Variants in EXT1 observed in about 807,000 individuals in gnomAD.
The protein encoded by EXT1 is exostosin-1.
A neutral mutation model predicts 82.5 loss-of-function variants in EXT1; 20 were observed. That is an observed-to-expected ratio of 0.24 (90% CI 0.17 to 0.35). The LOEUF (loss-of-function observed/expected upper bound fraction) is 0.35, where lower values mean the gene tolerates loss of function less well. EXT1 is among the 10% of genes least tolerant of loss of function. The probability of loss-of-function intolerance (pLI) is 1.00; values close to 1 mark genes in which losing one functional copy is unlikely to be tolerated. For missense variants in EXT1, 757 were observed against 936.5 expected, an observed-to-expected ratio of 0.81 and a Z score of 2.50; for synonymous variants, 348 against 350.8, an observed-to-expected ratio of 0.99 and a Z score of 0.09.
At chr8:118,032,930 T>A (rs1816353997) in intron 1 of EXT1, among the ~76,000 whole-genome samples, 2 of 152,196 alleles carry the variant, frequency 1.3e-5, no homozygotes, top group African/African-American at 4.8e-5. Flanking sequence ...TTCTTTTCAC[T>A]TCAACCTCTT....
At chr8:118,022,949 G>T (rs1816136731) in intron 1 of EXT1, among the ~76,000 whole-genome samples, 1 of 152,160 alleles carries the variant, frequency 6.6e-6, no homozygotes, top group African/African-American at 2.4e-5. Context: ...TTTATCAAAA[G>T]TCAAAAGTCA....
chr8:118,030,656 G>A (rs1390130755), intron 1 of EXT1, among the ~76,000 whole-genome samples: 1 of 151,930 alleles, frequency 6.6e-6, no homozygotes, highest in East Asian at 1.9e-4. Context: ...TAATTTTTTT[G>A]TACTTAGTAG....
Position 117,797,967 on chromosome 8 carries a change from A to G in EXT1, c.*1745T>C, listed in dbSNP as rs1361071198. ...AACACCATCTGGATATGTGGGCTCT[A>G]CTCCTTGTTCTGCAGCTAGGTAGCC... is the stretch of plus-strand genomic sequence containing the variant. On this transcript the variant is annotated 3_prime_UTR_variant, in exon 11 of 11. Coordinates refer to ENST00000378204, the MANE Select transcript of EXT1 (RefSeq NM_000127.3). The G allele has an allele frequency of 6.6e-6, 1 of 152,030 alleles. No homozygotes were observed. Among genetic ancestry groups the G allele is most frequent in the Admixed American group, 6.6e-5 (1 of 15,236 alleles). The allele number at this position is 152,030 out of a possible 1,614,324, so 9.4% of individuals were successfully genotyped here.
At chr8:118,006,543 A>G (rs1815779094) in intron 1 of EXT1, among the ~76,000 whole-genome samples, 1 of 152,168 alleles carries the variant, frequency 6.6e-6, no homozygotes, top group South Asian at 2.1e-4. Flanking sequence ...TGAAGGTCAA[A>G]AATCGTAACA....
chr8:118,042,596 G>A (rs188903707), intron 1 of EXT1, among the ~76,000 whole-genome samples: 1 of 152,158 alleles, frequency 6.6e-6, no homozygotes, highest in East Asian at 1.9e-4. Context: ...GGGGCACCTG[G>A]CCCCCACCTT....
At chr8:117,959,094 C>T (rs1329273238) in intron 1 of EXT1, among the ~76,000 whole-genome samples, 1 of 152,204 alleles carries the variant, frequency 6.6e-6, no homozygotes, top group Non-Finnish European at 1.5e-5. Flanking sequence ...CTCCAATTAG[C>T]ATCACATTGG....
intron 3 of EXT1, 31 bp downstream of exon 3, chr8:117,835,413 G>T: frequency 6.6e-7 from 1 of 1,507,014 alleles, no homozygotes; most frequent in Non-Finnish European, 9.2e-7. Flanking sequence ...ATAATCTGCT[G>T]ATGTGTTGAA....
At chr8:118,008,948 G>A (rs1815837697) in intron 1 of EXT1, among the ~76,000 whole-genome samples, 1 of 152,080 alleles carries the variant, frequency 6.6e-6, no homozygotes, top group African/African-American at 2.4e-5. Flanking sequence ...TTATGAAATG[G>A]GTCATCTCTT....
chr8:117,993,874 T>C (rs576716366), intron 1 of EXT1, among the ~76,000 whole-genome samples: 1 of 152,352 alleles, frequency 6.6e-6, no homozygotes, highest in Non-Finnish European at 1.5e-5. Flanking sequence ...GCCAGCCTAG[T>C]GGCCCTTGCT....
chr8:117,830,362 G>A lies in EXT1; in HGVS notation c.1165-13C>T. On this transcript the variant is annotated splice_polypyrimidine_tract_variant and intron_variant, in intron 3 of 10. Transcript: ENST00000378204. Reference sequence around the variant, plus strand: ...TTGTAGAAGGAATCTGTAACACAAGGTGAACACATAGGAATTATAACTGTA... The same window carrying A: ...TTGTAGAAGGAATCTGTAACACAAGATGAACACATAGGAATTATAACTGTA... 2 of 1,613,678 alleles carry A rather than the reference G, an allele frequency of 1.2e-6. No homozygotes were observed. The highest frequency in any genetic ancestry group is 1.7e-4 in the Middle Eastern group (1 of 5,968).
chr8:117,989,365 C>T (rs975936070), intron 1 of EXT1, among the ~76,000 whole-genome samples: 1 of 152,082 alleles, frequency 6.6e-6, no homozygotes, highest in Non-Finnish European at 1.5e-5. Context: ...CCCTGCCCCC[C>T]ACTATTTGTG....
intron 1 of EXT1, among the ~76,000 whole-genome samples, chr8:117,960,269 A>C (rs1454100080): frequency 5.9e-5 from 9 of 152,216 alleles, no homozygotes. Flanking sequence ...AAATATACAA[A>C]GTTGTGAATT....
At chr8:117,818,295 G>T (rs1811861320) in intron 7 of EXT1, 140 bp downstream of exon 7, 2 of 731,726 alleles carry the variant, frequency 2.7e-6, no homozygotes, top group Admixed American at 2.1e-5. Context: ...TCAAATCTGA[G>T]AATATTCTGA....
rs944501044 is a variant in EXT1 at position 117,794,503 on chromosome 8, C to T, written c.*5209G>A. 6.6e-6 allele frequency: 1 copy of T among 151,970 alleles called. No homozygotes were observed. Among genetic ancestry groups the T allele is most frequent in the Non-Finnish European group, 1.5e-5 (1 of 68,012 alleles). 9.4% of individuals were successfully genotyped at this position (151,970 alleles called of 1,614,324 possible). Reference sequence around the variant, plus strand: ...AAACCACACAGATGAAAAGTCATGTCATTTATTAATAATTTCTTTTTTTTT... The same window carrying T: ...AAACCACACAGATGAAAAGTCATGTTATTTATTAATAATTTCTTTTTTTTT... On this transcript the variant is annotated 3_prime_UTR_variant, in exon 11 of 11. Transcript: ENST00000378204.
At chr8:117,984,987 A>G (rs917453773) in intron 1 of EXT1, among the ~76,000 whole-genome samples, 1 of 152,160 alleles carries the variant, frequency 6.6e-6, no homozygotes, top group Non-Finnish European at 1.5e-5. Context: ...CTGACTCTCC[A>G]AGTGTAATCC....
chr8:117,914,818 G>C lies in EXT1; in HGVS notation c.963-77617C>G, dbSNP rs142234063. On this transcript the variant is annotated intron_variant, in intron 1 of 10. Transcript: ENST00000378204. ...TGTTTATCAAGACAATACGTGCACCGCTGAACATAGACCCTTATCAGTAGT... is the reference window on the plus strand; with the variant it reads ...TGTTTATCAAGACAATACGTGCACCCCTGAACATAGACCCTTATCAGTAGT... Among the ~76,000 whole-genome samples, 52 of 152,266 alleles carry C rather than the reference G, an allele frequency of 3.4e-4. No homozygotes were observed. The East Asian group carries it at 9.4e-3, about 28-fold the overall frequency.
chr8:117,835,616 G>A, intron 2 of EXT1, 65 bp from the exon 3 acceptor site: 1 of 1,201,046 alleles, frequency 8.3e-7, no homozygotes, highest in Non-Finnish European at 1.2e-6. Context: ...CCAATCAGAG[G>A]TGAAATCAGT....
intron 8 of EXT1, among the ~76,000 whole-genome samples, chr8:117,808,072 G>C (rs533812245): frequency 1.3e-5 from 2 of 152,148 alleles, no homozygotes; most frequent in East Asian, 1.9e-4. Flanking sequence ...ATGTCTCTCC[G>C]GTGCTTATAG....
chr8:118,053,090 T>G (rs1275174609), intron 1 of EXT1, among the ~76,000 whole-genome samples: 1 of 152,214 alleles, frequency 6.6e-6, no homozygotes, highest in African/African-American at 2.4e-5. Flanking sequence ...TGTTGAAGCC[T>G]GACACATCCC....
Sources: gnomAD v4.1 joint callset for allele counts (sites outside exome capture counted in the v4.1 genomes callset) on GRCh38, gnomAD v4.1.1 for gene constraint, MANE v1.5 for transcripts, NCBI Gene and HGNC (gene_info 2026-07-23, HGNC 2026-07-21) for gene names.